The following WDR93 variants were observed in gnomAD, a reference collection of about 807,000 sequenced individuals.
The protein encoded by WDR93 is WD repeat domain 93, also known as WD repeat-containing protein 93.
A neutral mutation model predicts 82.9 loss-of-function variants in WDR93; 73 were observed. That is an observed-to-expected ratio of 0.88 (90% CI 0.73 to 1.07). The LOEUF (loss-of-function observed/expected upper bound fraction) is 1.07. Ranked by LOEUF, WDR93 falls within the 50% of genes least tolerant of loss-of-function variation. The pLI, the probability that WDR93 is intolerant of heterozygous loss-of-function variation, is 0.00. For synonymous variants in WDR93, 283 were observed against 300.1 expected (o/e 0.94, Z 0.59); for missense variants, 738 against 826.0 (o/e 0.89, Z 1.31).
At chr15:89,703,826 G>T (rs1350882650) in intron 3 of WDR93, 1 of 152,720 alleles carries the variant, frequency 6.5e-6, no homozygotes. Context: ...ATCTGTGAAG[G>T]CATGCATCTC....
chr15:89,711,364 A>G (rs1391705062), intron 4 of WDR93, among the ~76,000 whole-genome samples: 1 of 152,162 alleles, frequency 6.6e-6, no homozygotes, highest in Non-Finnish European at 1.5e-5. Flanking sequence ...TAAGAGACTT[A>G]GGAGATACAT....
intron 4 of WDR93, among the ~76,000 whole-genome samples, chr15:89,708,014 G>C (rs1009639801): frequency 3.3e-5 from 5 of 152,200 alleles, no homozygotes; most frequent in African/African-American, 1.2e-4. Context: ...AAATAATTAT[G>C]TTAAGTGAAA....
At chr15:89,725,595 G>T (rs1567120174) in intron 8 of WDR93, among the ~76,000 whole-genome samples, 1 of 148,872 alleles carries the variant, frequency 6.7e-6, no homozygotes, top group Non-Finnish European at 1.5e-5. Context: ...TTGAGACAGG[G>T]TCTCCCTCTG....
intron 11 of WDR93, 132 bp downstream of exon 11, chr15:89,729,901 G>A (rs761677325): frequency 1.4e-6 from 1 of 727,792 alleles, no homozygotes; most frequent in Non-Finnish European, 2.3e-6. Context: ...CAGGCAGTAG[G>A]GGGTTTGGTG....
chr15:89,691,177 T>G (rs1270617967), intron 1 of WDR93, among the ~76,000 whole-genome samples: 2 of 152,184 alleles, frequency 1.3e-5, no homozygotes, highest in Non-Finnish European at 2.9e-5. Flanking sequence ...AGGTCAGAGA[T>G]AAGCCAATTT....
chr15:89,706,488 T>C (rs181109047), intron 4 of WDR93, among the ~76,000 whole-genome samples: 208 of 152,172 alleles, frequency 1.4e-3, no homozygotes, highest in Middle Eastern at 6.8e-3. Flanking sequence ...AGAAATACTA[T>C]TGATGGGCAC....
At chr15:89,736,917 G>A (rs1022376913) in intron 14 of WDR93, among the ~76,000 whole-genome samples, 8 of 151,268 alleles carry the variant, frequency 5.3e-5, no homozygotes, top group Non-Finnish European at 8.8e-5. Flanking sequence ...TCAGCCTCCC[G>A]AGTAGCTGGG....
At chr15:89,721,514 A>G (rs1235992148) in intron 7 of WDR93, 1 of 153,336 alleles carries the variant, frequency 6.5e-6, no homozygotes, top group African/African-American at 2.4e-5. Context: ...TGATTGTTCC[A>G]CTACACTGCA....
intron 6 of WDR93, 82 bp from the exon 7 acceptor site, chr15:89,716,827 AAG>A: frequency 1.1e-6 from 1 of 950,926 alleles, no homozygotes; most frequent in Non-Finnish European, 1.6e-6. Flanking sequence ...AATTGAGGGG[AAG>A]AGAGAGCATG....
intron 1 of WDR93, among the ~76,000 whole-genome samples, chr15:89,694,508 T>C (rs1567092114): frequency 6.6e-6 from 1 of 152,302 alleles, no homozygotes; most frequent in East Asian, 1.9e-4. Context: ...GTGCTGGGAT[T>C]ACAGGCGTGA....
In WDR93 at chr15:89,729,704, T is replaced by C. The variant is rs1229278269; in HGVS notation, c.1145T>C (p.Ile382Thr). ...GPSGMACVLGIHWTRSHNFFL... is the reference protein window; with the variant it reads ...GPSGMACVLGTHWTRSHNFFL... ...CCAGGAATGGCCTGTGTCCTTGGTATACACTGGACCAGAAGTCACAATTTC... is the reference window on the plus strand; with the variant it reads ...CCAGGAATGGCCTGTGTCCTTGGTACACACTGGACCAGAAGTCACAATTTC... Residue 382 changes from isoleucine to threonine, a missense_variant, in exon 11 of 17, where the codon ATA becomes ACA. Ile to Thr is a moderately conservative substitution (Grantham distance 89, BLOSUM62 -1). Transcript: ENST00000268130. 2 of 1,613,034 alleles carry C rather than the reference T, an allele frequency of 1.2e-6. No homozygotes were observed. Among genetic ancestry groups the C allele is most frequent in the East Asian group, 2.2e-5 (1 of 44,850 alleles).
intron 4 of WDR93, among the ~76,000 whole-genome samples, chr15:89,706,445 A>G (rs1965731762): frequency 6.6e-6 from 1 of 152,014 alleles, no homozygotes; most frequent in African/African-American, 2.4e-5. Context: ...GGTGTGAGTC[A>G]TAGTAGATTT....
intron 4 of WDR93, among the ~76,000 whole-genome samples, chr15:89,710,374 A>C (rs1965920818): frequency 6.6e-6 from 1 of 152,218 alleles, no homozygotes; most frequent in African/African-American, 2.4e-5. Flanking sequence ...AAACTTAAGA[A>C]CAGGCGAAAT....
chr15:89,725,309 T>A (rs1966689120), intron 8 of WDR93, among the ~76,000 whole-genome samples: 1 of 152,160 alleles, frequency 6.6e-6, no homozygotes, highest in South Asian at 2.1e-4. Flanking sequence ...ATGAACAATA[T>A]TGAGCAAAAG....
intron 14 of WDR93, among the ~76,000 whole-genome samples, chr15:89,736,119 G>T (rs1967148029): frequency 2.0e-5 from 3 of 152,216 alleles, no homozygotes; most frequent in Admixed American, 2.0e-4. Flanking sequence ...CAAACAGAGA[G>T]GTCAGAGAAT....
intron 3 of WDR93, chr15:89,705,280 T>C: frequency 2.3e-6 from 1 of 432,118 alleles, no homozygotes; most frequent in Non-Finnish European, 4.2e-6. Context: ...AACCAGTGGA[T>C]GGATGTAGCC....
upstream of WDR93, chr15:89,690,626 C>A (rs1207628411): frequency 3.9e-6 from 6 of 1,551,012 alleles, no homozygotes; most frequent in East Asian, 1.2e-4. Context: ...CGGGTGAAGG[C>A]GTCCATGGCT....
chr15:89,709,251 G>A (rs898425670), intron 4 of WDR93, among the ~76,000 whole-genome samples: 2 of 152,194 alleles, frequency 1.3e-5, no homozygotes, highest in South Asian at 4.1e-4. Context: ...AAACCCCACT[G>A]TGGCAGAGAC....
chr15:89,703,358 G>A, intron 3 of WDR93: 1 of 575,994 alleles, frequency 1.7e-6, no homozygotes, highest in Admixed American at 3.2e-5. Context: ...AGCCTTAGGG[G>A]GGAAGTAAAA....
Sources: gnomAD v4.1 joint callset for allele counts (sites outside exome capture counted in the v4.1 genomes callset) on GRCh38, gnomAD v4.1.1 for gene constraint, MANE v1.5 for transcripts, NCBI Gene and HGNC (gene_info 2026-07-23, HGNC 2026-07-21) for gene names.